SPTBN1: variants seen among roughly 807,000 people sequenced by gnomAD.
SPTBN1 encodes spectrin beta, non-erythrocytic 1.
SPTBN1 carries 32 observed loss-of-function variants against 266.4 expected under a neutral mutation model. That is an observed-to-expected ratio of 0.12 (90% CI 0.09 to 0.16). The LOEUF is 0.16. SPTBN1 is among the 10% of genes least tolerant of loss of function. The pLI, the probability that SPTBN1 is intolerant of heterozygous loss-of-function variation, is 1.00. For missense variants in SPTBN1, 2,296 were observed against 3,067.1 expected, an observed-to-expected ratio of 0.75 and a Z score of 5.94; for synonymous variants, 1,336 against 1,162.2, an observed-to-expected ratio of 1.15 and a Z score of -3.04.
rs754128563 is a variant in SPTBN1, at chr2:54,599,169, A to G, written c.226A>G (p.Thr76Ala). 6.8e-6 allele frequency: 11 copies of G among 1,614,216 alleles called. 1 individual carries two copies. In the South Asian group the frequency reaches 1.2e-4, roughly 18 times the overall value. Residue 76 changes from threonine (T) to alanine (A), a missense_variant, in exon 3 of 36, where the codon ACA becomes GCA. By Grantham distance (58) the Thr-to-Ala change is moderately conservative. Around this residue, in one of 12 missense-constraint regions of SPTBN1, gnomAD observed 178 missense variants for 375.7 expected, o/e 0.47. Coordinates refer to ENST00000356805, the MANE Select transcript of SPTBN1 (RefSeq NM_003128.3). ...SHLARVSCRI[T>A]DLYTDLRDGR... ...CCTTGCCCGTGTGTCCTGCCGGATC[A>G]CAGACCTGTACACTGACCTTCGAGA...
chr2:54,649,334 T>C lies in SPTBN1; in HGVS notation c.5202+144T>C. Reference sequence around the variant, plus strand: ...GTTTAGTTTTAAGGTGGTGTTTCTTTTATAAGCTGGTGACTCGCATTTAGG... The same window carrying C: ...GTTTAGTTTTAAGGTGGTGTTTCTTCTATAAGCTGGTGACTCGCATTTAGG... On this transcript the variant is annotated intron_variant, in intron 25 of 35. Transcript: ENST00000356805. The surrounding 1 kb of genome is among the most constrained non-coding windows in gnomAD (Gnocchi z 6.7). 1 of 1,061,636 alleles carries C rather than the reference T, an allele frequency of 9.4e-7. No homozygotes were observed. The highest frequency in any genetic ancestry group is 1.3e-6 in the Non-Finnish European group (1 of 755,380). The allele number at this position is 1,061,636 out of a possible 1,614,324, so 65.8% of individuals were successfully genotyped here.
intron 24 of SPTBN1, 103 bp from the exon 25 acceptor site, chr2:54,648,883 G>T: frequency 1.9e-6 from 2 of 1,072,364 alleles, no homozygotes; most frequent in Non-Finnish European, 2.6e-6. Context: ...TGAGAAATAT[G>T]ATGTAATATG....
intron 1 of SPTBN1, among the ~76,000 whole-genome samples, chr2:54,519,668 G>C (rs1271593975): frequency 6.6e-6 from 1 of 152,154 alleles, no homozygotes; most frequent in African/African-American, 2.4e-5. Flanking sequence ...ATGGCATTGG[G>C]AGCCATTTGG....
chr2:54,647,362 C>A, intron 24 of SPTBN1, 101 bp downstream of exon 24: 2 of 1,497,922 alleles, frequency 1.3e-6, no homozygotes, highest in Non-Finnish European at 1.8e-6. Flanking sequence ...TTCATCATGA[C>A]TTGCTGGTAA....
chr2:54,588,228 T>C (rs1310429318), intron 2 of SPTBN1, among the ~76,000 whole-genome samples: 1 of 152,198 alleles, frequency 6.6e-6, no homozygotes, highest in East Asian at 1.9e-4. Flanking sequence ...CCTCTTAAAA[T>C]GTAAAACCTG....
Position 54,533,255 on chromosome 2 carries a change from G to A in SPTBN1, c.148+6689G>A, listed in dbSNP as rs1362631928. On this transcript the variant is annotated intron_variant, in intron 2 of 35. Coordinates refer to ENST00000356805, the MANE Select transcript of SPTBN1 (RefSeq NM_003128.3). The surrounding 1 kb of genome is among the most constrained non-coding windows in gnomAD (Gnocchi z 4.2). ...GCATGCAATTTAAAACGTATGAATTGCCTATTTCTTCAGTTTTTCATTTCA... is the reference window on the plus strand; with the variant it reads ...GCATGCAATTTAAAACGTATGAATTACCTATTTCTTCAGTTTTTCATTTCA... Among the ~76,000 whole-genome samples, 1 of 151,924 alleles carries A rather than the reference G, an allele frequency of 6.6e-6. No homozygotes were observed. The highest frequency in any genetic ancestry group is 1.5e-5 in the Non-Finnish European group (1 of 68,006).
At chr2:54,547,088 C>T (rs1030255124) in intron 2 of SPTBN1, among the ~76,000 whole-genome samples, 2 of 151,858 alleles carry the variant, frequency 1.3e-5, no homozygotes, top group African/African-American at 4.8e-5. Flanking sequence ...TTTTGAAAAA[C>T]TGAAACTCTA....
intron 2 of SPTBN1, chr2:54,557,982 G>C (rs1672991563): frequency 9.1e-6 from 9 of 984,264 alleles, no homozygotes; most frequent in Non-Finnish European, 1.1e-5. Context: ...CTCAGCAGAC[G>C]CTAGAGAGTG....
chr2:54,550,490 C>A (rs1311072806), intron 2 of SPTBN1, among the ~76,000 whole-genome samples: 1 of 152,198 alleles, frequency 6.6e-6, no homozygotes, highest in African/African-American at 2.4e-5. Flanking sequence ...AAACACACCC[C>A]ACACCCCCAA....
chr2:54,466,859 A>T (rs1693662154), intron 1 of SPTBN1, among the ~76,000 whole-genome samples: 1 of 152,208 alleles, frequency 6.6e-6, no homozygotes, highest in Non-Finnish European at 1.5e-5. Flanking sequence ...TACCAAACTT[A>T]CGGAAAAGCA....
intron 30 of SPTBN1, among the ~76,000 whole-genome samples, chr2:54,658,826 G>A (rs1292270495): frequency 6.6e-6 from 1 of 152,214 alleles, no homozygotes; most frequent in Non-Finnish European, 1.5e-5. Context: ...GGGGAGTCCA[G>A]CATGAACCCT....
chr2:54,535,741 A>G (rs1004015678), intron 2 of SPTBN1, among the ~76,000 whole-genome samples: 1 of 152,246 alleles, frequency 6.6e-6, no homozygotes, highest in African/African-American at 2.4e-5. Context: ...AAACTACTGT[A>G]GGCCAGATGC....
intron 2 of SPTBN1, among the ~76,000 whole-genome samples, chr2:54,555,900 T>A (rs1672835682): frequency 2.0e-5 from 3 of 152,144 alleles, no homozygotes; most frequent in Admixed American, 1.3e-4. Context: ...CCTACCTTTC[T>A]CCAAAAGGCA....
In SPTBN1 at chr2:54,666,022, G is replaced by A; in HGVS notation, c.6767G>A (p.Ser2256Asn). The change falls in exon 34 of 36, where the codon AGT becomes AAT. Residue 2256 changes from serine (S) to asparagine (N), a missense_variant. Physicochemically the swap from Ser to Asn is conservative, Grantham distance 46. This residue lies in a region of SPTBN1 where 347 missense variants were observed against 368.5 expected (regional missense o/e 0.94). Transcript: ENST00000356805. ...CCCTACCACAGCGAGGTCCCTGTGAGTTTGAAAGAAGCTGTCTGCGAAGTG... is the reference window on the plus strand; with the variant it reads ...CCCTACCACAGCGAGGTCCCTGTGAATTTGAAAGAAGCTGTCTGCGAAGTG... ...GIPYHSEVPV[S>N]LKEAVCEVAL... 1 of 1,614,122 alleles carries A rather than the reference G, an allele frequency of 6.2e-7. No individual in the cohort carries two copies. Among genetic ancestry groups the A allele is most frequent in the South Asian group, 1.1e-5 (1 of 91,064 alleles).
At chr2:54,522,715 A>AGAAAG (rs1573329326) in intron 1 of SPTBN1, among the ~76,000 whole-genome samples, 35 of 138,868 alleles carry the variant, frequency 2.5e-4, no homozygotes, top group African/African-American at 6.1e-4. Context: ...AAGAAAGGAA[A>AGAAAG]GAAAGAAAGA....
At chr2:54,495,166 G>C (rs1055746293) in intron 1 of SPTBN1, among the ~76,000 whole-genome samples, 1 of 152,098 alleles carries the variant, frequency 6.6e-6, no homozygotes, top group Non-Finnish European at 1.5e-5. Context: ...ATCATAGGAG[G>C]TTGCAGGTGT....
At chr2:54,590,461 G>T (rs750833738) in intron 2 of SPTBN1, among the ~76,000 whole-genome samples, 1 of 152,180 alleles carries the variant, frequency 6.6e-6, no homozygotes, top group Non-Finnish European at 1.5e-5. Context: ...ATATGCTAAA[G>T]CTCTAAACAT....
At chr2:54,661,163 T>C (rs1681016662) in intron 32 of SPTBN1, 1 of 985,372 alleles carries the variant, frequency 1.0e-6, no homozygotes, top group South Asian at 4.7e-5. Flanking sequence ...AATTCTCTGA[T>C]AAAGGAAGCT....
intron 32 of SPTBN1, chr2:54,661,657 A>G (rs1681055714): frequency 2.0e-6 from 2 of 985,740 alleles, no homozygotes. Context: ...TTTGGTCATT[A>G]GGGAGCTCTA....
Sources: gnomAD v4.1 joint callset for allele counts (sites outside exome capture counted in the v4.1 genomes callset) on GRCh38, gnomAD v4.1.1 for gene constraint, gnomAD v4.1.1 regional missense constraint, Gnocchi (gnomAD v3.1) non-coding constraint, MANE v1.5 for transcripts, NCBI Gene and HGNC (gene_info 2026-07-23, HGNC 2026-07-21) for gene names.